PXDN: variants seen among roughly 807,000 people sequenced by gnomAD.
The protein encoded by PXDN is peroxidasin, also known as peroxidasin homolog.
A neutral mutation model predicts 140.3 loss-of-function variants in PXDN; 77 were observed. The observed-to-expected ratio is 0.55, with a 90% CI of 0.46 to 0.66. The LOEUF is 0.66. Among genes scored for constraint, PXDN ranks in the 30% least tolerant of loss-of-function variants. The probability of loss-of-function intolerance (pLI) is 0.00; values close to 1 mark genes in which losing one functional copy is unlikely to be tolerated. For missense variants in PXDN, 1,838 were observed against 2,039.5 expected, an observed-to-expected ratio of 0.90 and a Z score of 1.90; for synonymous variants, 911 against 857.4, an observed-to-expected ratio of 1.06 and a Z score of -1.09.
chr2:1,686,277 G>A (rs1382053402), intron 4 of PXDN, among the ~76,000 whole-genome samples: 1 of 152,196 alleles, frequency 6.6e-6, no homozygotes, highest in East Asian at 1.9e-4. Flanking sequence ...TGGAACCCAA[G>A]CTGCAGCACC....
At chr2:1,640,297 C>T (rs576486977) in intron 19 of PXDN, among the ~76,000 whole-genome samples, 1 of 152,306 alleles carries the variant, frequency 6.6e-6, no homozygotes, top group South Asian at 2.1e-4. Flanking sequence ...TGGCAGAGCA[C>T]GAAAGTGAAG....
intron 1 of PXDN, among the ~76,000 whole-genome samples, chr2:1,693,638 G>A (rs952849019): frequency 5.3e-5 from 8 of 152,172 alleles, no homozygotes; most frequent in South Asian, 2.1e-4. Flanking sequence ...AATTCAGCAC[G>A]CTAACTGGGA....
Position 1,678,740 on chromosome 2 carries a change from C to T in PXDN, c.730+1453G>A, listed in dbSNP as rs578150080. 1.3e-5 allele frequency among the ~76,000 whole-genome samples: 2 copies of T among 152,308 alleles called. 1 individual carries two copies. The highest frequency in any genetic ancestry group is 4.8e-5 in the African/African-American group (2 of 41,580). ...GCACCGAGGGCCCTCCCTTCAGGGA[C>T]GCAGGTGGGGCAGCTCCTTCCACTG... On this transcript the variant is annotated intron_variant, in intron 7 of 22. Transcript: ENST00000252804.
intron 1 of PXDN, among the ~76,000 whole-genome samples, chr2:1,715,498 G>T (rs1051778321): frequency 4.6e-5 from 7 of 152,200 alleles, no homozygotes; most frequent in Admixed American, 2.6e-4. Flanking sequence ...TTCCTGTTAT[G>T]AAAACAGGAC....
chr2:1,724,316 T>G (rs73910870), intron 1 of PXDN, among the ~76,000 whole-genome samples: 5,902 of 151,168 alleles, frequency 0.039, 372 homozygotes, highest in African/African-American at 0.13. Context: ...ATTTCCGTTT[T>G]TTTTTTTTTT....
intron 22 of PXDN, 93 bp downstream of exon 22, chr2:1,635,314 GC>G (rs1381884654): frequency 2.8e-6 from 3 of 1,057,120 alleles, no homozygotes; most frequent in Non-Finnish European, 4.3e-6. Flanking sequence ...GAGGGGCCTG[GC>G]CCTGACATCT....
intron 3 of PXDN, among the ~76,000 whole-genome samples, chr2:1,688,648 A>T (rs1270980856): frequency 1.3e-5 from 2 of 152,240 alleles, no homozygotes; most frequent in East Asian, 1.9e-4. Context: ...AGACATGGGG[A>T]GCCCTGCCAC....
At chr2:1,684,268 C>T in intron 4 of PXDN, 117 bp from the exon 5 acceptor site, 1 of 737,918 alleles carries the variant, frequency 1.4e-6, no homozygotes, top group South Asian at 1.6e-5. Context: ...ATAGCTCACT[C>T]ACTAGACTTC....
chr2:1,742,251 G>C (rs779397962), intron 1 of PXDN, among the ~76,000 whole-genome samples: 1 of 152,180 alleles, frequency 6.6e-6, no homozygotes, highest in Non-Finnish European at 1.5e-5. Context: ...AAAGTGTTTA[G>C]TTCTATAAGG....
chr2:1,731,176 AC>A (rs1372129600), intron 1 of PXDN, among the ~76,000 whole-genome samples: 43 of 152,040 alleles, frequency 2.8e-4, no homozygotes, highest in African/African-American at 9.7e-4. Context: ...ACACACACAC[AC>A]ACATGAACTA....
intron 1 of PXDN, among the ~76,000 whole-genome samples, chr2:1,719,109 C>T (rs997622699): frequency 7.9e-5 from 12 of 152,202 alleles, no homozygotes; most frequent in East Asian, 1.9e-4. Flanking sequence ...GCTCCTTAGA[C>T]GAGCGAGCCA....
At chr2:1,670,580 G>A (rs568823300) in intron 9 of PXDN, among the ~76,000 whole-genome samples, 2 of 152,268 alleles carry the variant, frequency 1.3e-5, no homozygotes, top group Admixed American at 6.5e-5. Flanking sequence ...ATACAGAAAT[G>A]ACATTTAATA....
At chr2:1,638,064 C>T (rs899082504) in intron 21 of PXDN, among the ~76,000 whole-genome samples, 1 of 152,144 alleles carries the variant, frequency 6.6e-6, no homozygotes, top group African/African-American at 2.4e-5. Flanking sequence ...CTTGGGGCTA[C>T]ACTAGGAGAT....
Position 1,663,739 on chromosome 2 carries a change from C to T in PXDN, c.1433G>A (p.Arg478Gln), listed in dbSNP as rs777271860. The T allele has an allele frequency of 6.8e-6, 11 of 1,613,100 alleles. No homozygotes were observed. In the Admixed American group the frequency reaches 8.3e-5, roughly 12 times the overall value. Residue 478 changes from arginine (R) to glutamine (Q), a missense_variant, in exon 12 of 23, where the codon CGG (arginine) becomes CAG (glutamine). Coordinates refer to ENST00000252804, the MANE Select transcript of PXDN (RefSeq NM_012293.3). Reference sequence around the variant, plus strand: ...TGTTCCCGATGACAGGACCAGGTGCCGCCGGTCCACGGAGAGCTGGCTCCC... The same window carrying T: ...TGTTCCCGATGACAGGACCAGGTGCTGCCGGTCCACGGAGAGCTGGCTCCC... ...KGGSQLSVDR[R>Q]HLVLSSGTLR...
intron 1 of PXDN, among the ~76,000 whole-genome samples, chr2:1,716,440 GAA>G (rs550784477): frequency 8.6e-5 from 5 of 58,196 alleles, no homozygotes; most frequent in Admixed American, 2.3e-4. Context: ...TCCATCTCAG[GAA>G]AAAAAAAAAA....
rs1431349912 is a variant in PXDN at position 1,648,931 on chromosome 2, G to A, written c.2849C>T (p.Pro950Leu). The change falls in exon 17 of 23, where the codon CCC becomes CTC. Residue 950 changes from proline (P) to leucine (L), a missense_variant. This residue lies in a region of PXDN where 850 missense variants were observed against 894.1 expected (regional missense o/e 0.95). Transcript: ENST00000252804. This position sits in a 1 kb window ranked among gnomAD's most constrained non-coding sequence, Gnocchi z 8.9. ...CTCCGTGGGCGGCCCGGTGGCGAAG[G>A]GGAGCAGCGGCTTCCCGGACCGCTG... ...IVQRSGKPLL[P>L]FATGPPTECM... The A allele has an allele frequency of 1.2e-6, 2 of 1,603,424 alleles. No individual in the cohort carries two copies. The highest frequency in any genetic ancestry group is 2.2e-5 in the East Asian group (1 of 44,576).
chr2:1,736,174 A>G (rs1685421466), intron 1 of PXDN, among the ~76,000 whole-genome samples: 1 of 152,166 alleles, frequency 6.6e-6, no homozygotes, highest in Non-Finnish European at 1.5e-5. Flanking sequence ...TTCTTCCCAA[A>G]CCACTAAAAC....
At chr2:1,716,770 G>A (rs56731510) in intron 1 of PXDN, among the ~76,000 whole-genome samples, 38,757 of 152,024 alleles carry the variant, frequency 0.25, 5,602 homozygotes, top group East Asian at 0.6. Context: ...CAGTACAGGG[G>A]TAACCGCTCC....
chr2:1,710,808 A>T (rs1456709977), intron 1 of PXDN, among the ~76,000 whole-genome samples: 17 of 21,642 alleles, frequency 7.9e-4, no homozygotes, highest in African/African-American at 3.2e-3. Flanking sequence ...ACCAGCACCC[A>T]CTCCACCAGC....
Sources: allele counts gnomAD v4.1 joint callset (sites outside exome capture counted in the v4.1 genomes callset), GRCh38; gene constraint gnomAD v4.1.1; regional missense constraint gnomAD v4.1.1; non-coding constraint Gnocchi (gnomAD v3.1); transcripts MANE v1.5; gene names NCBI Gene and HGNC (gene_info 2026-07-23, HGNC 2026-07-21).